PPP6R2: variants seen among roughly 807,000 people sequenced by gnomAD.
The protein encoded by PPP6R2 is serine/threonine-protein phosphatase 6 regulatory subunit 2.
Under a neutral mutation model 100.2 loss-of-function variants are expected in PPP6R2, and 62 were observed. That is an observed-to-expected ratio of 0.62 (90% confidence interval 0.50 to 0.76). The LOEUF is 0.76. Among genes scored for constraint, PPP6R2 ranks in the 30% least tolerant of loss-of-function variants. The pLI is 0.00. For missense variants in PPP6R2, 1,142 were observed against 1,276.3 expected (o/e 0.89, Z 1.60); for synonymous variants, 525 against 514.7 (o/e 1.02, Z -0.27).
the PPP6R2 span, among the ~76,000 whole-genome samples, chr22:50,331,127 A>G: frequency 1.3e-5 from 2 of 152,186 alleles, no homozygotes; most frequent in African/African-American, 2.4e-5. Context: ...TTTTGAGGTC[A>G]TGCATGTTGT....
intron 4 of PPP6R2, among the ~76,000 whole-genome samples, chr22:50,411,456 A>G (rs1057002049): frequency 2.6e-5 from 4 of 151,354 alleles, no homozygotes; most frequent in African/African-American, 9.7e-5. Flanking sequence ...TCTGTCTCCA[A>G]AAAAAAAGAA....
chr22:50,410,580 G>T (rs910265155), intron 4 of PPP6R2, among the ~76,000 whole-genome samples: 2 of 145,904 alleles, frequency 1.4e-5, no homozygotes, highest in Non-Finnish European at 3.0e-5. Flanking sequence ...GGGTTCAAGC[G>T]ATTCTCATGG....
Position 50,444,030 on chromosome 22 carries a change from T to C in PPP6R2, c.2744T>C (p.Leu915Pro). The C allele has an allele frequency of 6.2e-7, 1 of 1,613,424 alleles. No individual in the cohort carries two copies. The highest frequency in any genetic ancestry group is 8.5e-7 in the Non-Finnish European group (1 of 1,179,926). Residue 915 changes from leucine to proline, a missense_variant, in exon 23 of 24, where the codon CTG becomes CCG. By Grantham distance (98) the Leu-to-Pro change is moderately conservative. Around this residue, in one of 2 missense-constraint regions of PPP6R2, gnomAD observed 550 missense variants for 517.4 expected, o/e 1.06. Transcript: ENST00000612753. ...CCCACCCCAGCAGTCTCTTCTGCAC[T>C]GGCCGTGGCGGTCCCCCTAGGGCCC... ...AIPTPAVSSA[L>P]AVAVPLGPIM... is the part of the protein sequence containing the mutation.
chr22:50,390,982 G>C (rs796831525), intron 2 of PPP6R2, among the ~76,000 whole-genome samples: 1 of 148,264 alleles, frequency 6.7e-6, no homozygotes, highest in Admixed American at 6.7e-5. Flanking sequence ...CTGGGTGAGA[G>C]AGCAAAACTC....
At chr22:50,373,119 C>G (rs954639715) in intron 2 of PPP6R2, among the ~76,000 whole-genome samples, 2 of 151,914 alleles carry the variant, frequency 1.3e-5, no homozygotes, top group African/African-American at 4.8e-5. Context: ...CACACAGTTA[C>G]GCAGAAAATG....
At chr22:50,393,305 G>T in intron 2 of PPP6R2, 3 of 792,798 alleles carry the variant, frequency 3.8e-6, no homozygotes, top group Non-Finnish European at 4.6e-6. Context: ...GGGCCGGGTG[G>T]CTGGGGGAGG....
intron 2 of PPP6R2, among the ~76,000 whole-genome samples, chr22:50,384,935 A>G (rs1322572919): frequency 5.3e-5 from 8 of 151,924 alleles, no homozygotes; most frequent in African/African-American, 1.9e-4. Flanking sequence ...TTCCATAGAG[A>G]CAGGGTCTTG....
At position 50,431,298 on chromosome 22, in the gene PPP6R2, G is replaced by A. The variant is rs776597491; in HGVS notation, c.1251G>A (p.Val417=). The change falls in exon 11 of 24, where the codon GTG becomes GTA. Residue 417 remains valine, a synonymous_variant. Transcript: ENST00000612753. This position sits in a 1 kb window ranked among gnomAD's most constrained non-coding sequence, Gnocchi z 4.8. ...RTEASGSESR[V]EPPHENGNRS... Reference sequence around the variant, plus strand: ...AAGCCAGCGGATCCGAGAGCAGGGTGGAGCCTCCGCATGAGAACGGGAACC... The same window carrying A: ...AAGCCAGCGGATCCGAGAGCAGGGTAGAGCCTCCGCATGAGAACGGGAACC... The A allele has an allele frequency of 1.2e-6, 2 of 1,613,462 alleles. No individual in the cohort carries two copies. The highest frequency in any genetic ancestry group is 4.5e-5 in the East Asian group (2 of 44,884).
intron 1 of PPP6R2, among the ~76,000 whole-genome samples, chr22:50,346,330 C>G (rs1473600289): frequency 3.2e-4 from 11 of 34,910 alleles, no homozygotes; most frequent in African/African-American, 1.2e-3. Context: ...TCAGTGCCCC[C>G]CCAGTCAGTT....
At chr22:50,400,332 C>T (rs933872192) in intron 3 of PPP6R2, among the ~76,000 whole-genome samples, 1 of 152,180 alleles carries the variant, frequency 6.6e-6, no homozygotes, top group African/African-American at 2.4e-5. Flanking sequence ...TGGTAAATTA[C>T]ACTCTGTTAA....
At chr22:50,362,715 G>A (rs2048029451) in intron 1 of PPP6R2, among the ~76,000 whole-genome samples, 1 of 152,184 alleles carries the variant, frequency 6.6e-6, no homozygotes, top group Non-Finnish European at 1.5e-5. Flanking sequence ...AGATGGGACT[G>A]ACACCCTCAT....
the PPP6R2 span, among the ~76,000 whole-genome samples, chr22:50,336,432 G>A: frequency 9.2e-5 from 14 of 151,850 alleles, no homozygotes; most frequent in African/African-American, 3.4e-4. Flanking sequence ...GCTGGAGTGC[G>A]AAGGCGCGAT....
chr22:50,433,854 A>G (rs371864290), intron 12 of PPP6R2, among the ~76,000 whole-genome samples: 1 of 20,564 alleles, frequency 4.9e-5, no homozygotes, highest in Non-Finnish European at 8.8e-5. Flanking sequence ...GGCCGGGGGC[A>G]TGGATGCTGG....
chr22:50,443,003 A>T (rs2066062489), intron 22 of PPP6R2: 1 of 151,714 alleles, frequency 6.6e-6, no homozygotes, highest in Non-Finnish European at 1.5e-5. Flanking sequence ...CGTCTCTACT[A>T]AAAATACAAA....
At chr22:50,396,442 C>A (rs1286574458) in intron 3 of PPP6R2, among the ~76,000 whole-genome samples, 1 of 150,904 alleles carries the variant, frequency 6.6e-6, no homozygotes, top group Admixed American at 6.6e-5. Flanking sequence ...TTTCAGTGAG[C>A]CAAGATCGCT....
At chr22:50,386,366 C>G (rs1027379681) in intron 2 of PPP6R2, among the ~76,000 whole-genome samples, 1 of 152,006 alleles carries the variant, frequency 6.6e-6, no homozygotes, top group Admixed American at 6.6e-5. Flanking sequence ...GTCTCAAACT[C>G]CTGACCTCAG....
At chr22:50,429,896 AC>A (rs2062828095) in intron 10 of PPP6R2, among the ~76,000 whole-genome samples, 1 of 152,200 alleles carries the variant, frequency 6.6e-6, no homozygotes, top group African/African-American at 2.4e-5. Context: ...ATTTAGGACT[AC>A]GTTTCTGTGG....
intron 2 of PPP6R2, among the ~76,000 whole-genome samples, chr22:50,388,166 T>A (rs1472075322): frequency 2.0e-5 from 3 of 149,558 alleles, no homozygotes; most frequent in Non-Finnish European, 4.4e-5. Flanking sequence ...CTATAAAAAA[T>A]TTTTTTAGGA....
In PPP6R2 at chr22:50,424,326, AGCGTGTGGAAGGTCTGTCC is replaced by A. The variant is rs1201349126; in HGVS notation, c.1125+727_1125+745del. On this transcript the variant is annotated intron_variant, in intron 10 of 23. Transcript: ENST00000612753. ...AAGTGCTGTCTGGCTCAGTTCTGTC[AGCGTGTGGAAGGTCTGTCC>A]GCGTGTGGAAGGTCCGTCCGCGTGT... Among the ~76,000 whole-genome samples the A allele has an allele frequency of 3.1e-4, 45 of 143,606 alleles. No individual in the cohort carries two copies. The East Asian group carries it at 8.4e-3, about 27-fold the overall frequency. 94.2% of individuals were successfully genotyped at this position (143,606 alleles called of 152,430 possible).
Sources: allele counts gnomAD v4.1 joint callset (sites outside exome capture counted in the v4.1 genomes callset), GRCh38; gene constraint gnomAD v4.1.1; regional missense constraint gnomAD v4.1.1; non-coding constraint Gnocchi (gnomAD v3.1); transcripts MANE v1.5; gene names NCBI Gene and HGNC (gene_info 2026-07-23, HGNC 2026-07-21).